Variants in SHISA8 observed in about 807,000 individuals in gnomAD.
SHISA8 encodes the protein shisa family member 8.
A neutral mutation model predicts 21.1 loss-of-function variants in SHISA8; 21 were observed. That is an observed-to-expected ratio of 0.99 (90% CI 0.71 to 1.43). The LOEUF (loss-of-function observed/expected upper bound fraction) is 1.43, where lower values mean the gene tolerates loss of function less well. SHISA8 is among the 40% of genes most tolerant of loss of function. SHISA8 has a pLI of 0.00. For missense variants in SHISA8, 535 were observed against 599.1 expected (o/e 0.89, Z 1.12); for synonymous variants, 300 against 291.4 (o/e 1.03, Z -0.30).
At position 41,910,168 on chromosome 22, in the gene SHISA8, A is replaced by C. The variant is rs2146573099; in HGVS notation, c.812-21T>G. ...GGCCTCTGCGGGGACAGGGCAGGGA[A>C]GAGTGACGCCGCGCCGAGCACCCAA... is the stretch of plus-strand genomic sequence containing the variant. On this transcript the variant is annotated intron_variant, in intron 3 of 3. Coordinates refer to ENST00000621082, the MANE Select transcript of SHISA8 (RefSeq NM_001207020.3). This position sits in a 1 kb window ranked among gnomAD's most constrained non-coding sequence, Gnocchi z 6.8. 1 of 1,230,234 alleles carries C rather than the reference A, an allele frequency of 8.1e-7. No individual in the cohort carries two copies. Among genetic ancestry groups the C allele is most frequent in the South Asian group, 4.0e-5 (1 of 25,272 alleles). 76.2% of individuals were successfully genotyped at this position (1,230,234 alleles called of 1,614,324 possible).
intron 1 of SHISA8, among the ~76,000 whole-genome samples, chr22:41,911,935 C>T (rs1235228772): frequency 3.3e-5 from 5 of 152,098 alleles, no homozygotes; most frequent in Non-Finnish European, 7.4e-5. Flanking sequence ...TTAGTAGAGA[C>T]GGGGTTTCAC....
chr22:41,911,870 C>G (rs889418754), intron 1 of SHISA8, among the ~76,000 whole-genome samples: 1 of 152,198 alleles, frequency 6.6e-6, no homozygotes, highest in Admixed American at 6.5e-5. Flanking sequence ...CTCAGCTTCC[C>G]TAGTAGCTGG....
At position 41,910,180 on chromosome 22, in the gene SHISA8, C is replaced by A; in HGVS notation, c.812-33G>T. 1 of 1,228,818 alleles carries A rather than the reference C, an allele frequency of 8.1e-7. No homozygotes were observed. Among genetic ancestry groups the A allele is most frequent in the Non-Finnish European group, 1.0e-6 (1 of 987,030 alleles). 76.1% of individuals were successfully genotyped at this position (1,228,818 alleles called of 1,614,324 possible). A position where few individuals can be genotyped will look rare whatever the true frequency, so the allele number is the denominator to read the frequency against. On this transcript the variant is annotated intron_variant, in intron 3 of 3. Transcript: ENST00000621082. The surrounding 1 kb of genome is among the most constrained non-coding windows in gnomAD (Gnocchi z 6.8). Reference sequence around the variant, plus strand: ...GACAGGGCAGGGAAGAGTGACGCCGCGCCGAGCACCCAAGCTCAGGACTGG... The same window carrying A: ...GACAGGGCAGGGAAGAGTGACGCCGAGCCGAGCACCCAAGCTCAGGACTGG...
In SHISA8 at chr22:41,909,922, G is replaced by A; in HGVS notation, c.1037C>T (p.Ala346Val). Reference protein sequence around the residue: ...PAPLSHPTARAFQVPRRPGHA... With the variant: ...PAPLSHPTARVFQVPRRPGHA... ...CCCGGGTCGCCGGGGTACCTGGAAGGCCCGAGCCGTCGGGTGGCTGAGCGG... is the reference window on the plus strand; with the variant it reads ...CCCGGGTCGCCGGGGTACCTGGAAGACCCGAGCCGTCGGGTGGCTGAGCGG... The change falls in exon 4 of 4, where the codon GCC becomes GTC. Residue 346 changes from alanine (A) to valine (V), a missense_variant. By Grantham distance (64) the Ala-to-Val change is moderately conservative. Transcript: ENST00000621082. The A allele has an allele frequency of 6.6e-7, 1 of 1,522,972 alleles. No individual in the cohort carries two copies. The highest frequency in any genetic ancestry group is 8.8e-7 in the Non-Finnish European group (1 of 1,141,354). 94.3% of individuals were successfully genotyped at this position (1,522,972 alleles called of 1,614,324 possible).
rs1183737103 is a variant in SHISA8, at chr22:41,910,884, C to G, written c.665-330G>C. Among the ~76,000 whole-genome samples, 1 of 152,058 alleles carries G rather than the reference C, an allele frequency of 6.6e-6. No homozygotes were observed. The highest frequency in any genetic ancestry group is 1.5e-5 in the Non-Finnish European group (1 of 67,974). ...GGATGTCTGAGGAACAGAACCCAGA[C>G]GGGGCGTGGGGGCTGCCAAGCCTGC... is the stretch of plus-strand genomic sequence containing the variant. On this transcript the variant is annotated intron_variant, in intron 2 of 3. Coordinates refer to ENST00000621082, the MANE Select transcript of SHISA8 (RefSeq NM_001207020.3). The surrounding 1 kb of genome is among the most constrained non-coding windows in gnomAD (Gnocchi z 6.8).
At position 41,909,688 on chromosome 22, in the gene SHISA8, C is replaced by T; in HGVS notation, c.*77G>A. On this transcript the variant is annotated 3_prime_UTR_variant, in exon 4 of 4. Transcript: ENST00000621082. ...AGAAGAGCTGGCCTTACGGCAGGCGCTCCTCTCCCTGTGGCCTGAGGCTCC... is the reference window on the plus strand; with the variant it reads ...AGAAGAGCTGGCCTTACGGCAGGCGTTCCTCTCCCTGTGGCCTGAGGCTCC... The T allele has an allele frequency of 7.5e-7, 1 of 1,328,184 alleles. No individual in the cohort carries two copies. Among genetic ancestry groups the T allele is most frequent in the South Asian group, 2.0e-5 (1 of 49,042 alleles). 82.3% of individuals were successfully genotyped at this position (1,328,184 alleles called of 1,614,324 possible).
rs2077540562 is a variant in SHISA8 at position 41,910,309 on chromosome 22, G to T, written c.811+99C>A. ...CCGATTGGCCGAGCGGCGGGCGCGC[G>T]GAACTGGGAATTTGGCGCTTGGAGC... On this transcript the variant is annotated intron_variant, in intron 3 of 3. Coordinates refer to ENST00000621082, the MANE Select transcript of SHISA8 (RefSeq NM_001207020.3). The surrounding 1 kb of genome is among the most constrained non-coding windows in gnomAD (Gnocchi z 6.8). The T allele has an allele frequency of 8.1e-7, 1 of 1,241,766 alleles. No individual in the cohort carries two copies. The highest frequency in any genetic ancestry group is 4.3e-5 in the Admixed American group (1 of 23,302). 76.9% of individuals were successfully genotyped at this position (1,241,766 alleles called of 1,614,324 possible).
chr22:41,914,575 C>G lies in SHISA8; in HGVS notation c.93G>C (p.Ala31=). 8.6e-7 allele frequency: 1 copy of G among 1,158,468 alleles called. No homozygotes were observed. The highest frequency in any genetic ancestry group is 1.1e-6 in the Non-Finnish European group (1 of 942,250). The allele number at this position is 1,158,468 out of a possible 1,614,324, so 71.8% of individuals were successfully genotyped here. A position where few individuals can be genotyped will look rare whatever the true frequency, so the allele number is the denominator to read the frequency against. ...ALALRLALLL[A]RPPSGRAGAP... ...CTCCCGCGCGGCCCGACGGCGGCCG[C>G]GCCAGCAGCAACGCGAGCCGAAGCG... The change falls in exon 1 of 4, where the codon GCG becomes GCC. Residue 31 remains alanine, a synonymous_variant. Coordinates refer to ENST00000621082, the MANE Select transcript of SHISA8 (RefSeq NM_001207020.3). This position sits in a 1 kb window ranked among gnomAD's most constrained non-coding sequence, Gnocchi z 6.8.
At position 41,915,020 on chromosome 22, in the gene SHISA8, C is replaced by A. The variant is rs1339247681; in HGVS notation, c.-353G>T. On this transcript the variant is annotated 5_prime_UTR_variant, in exon 1 of 4. Transcript: ENST00000621082. This position sits in a 1 kb window ranked among gnomAD's most constrained non-coding sequence, Gnocchi z 5.0. The stretch of plus-strand genomic sequence containing the variant: ...CCTAGCGGAGGCCGCGCCGGGGCCG[C>A]GGGCCGCCCGACTGCGCTACCTTCC... Among the ~76,000 whole-genome samples the A allele has an allele frequency of 2.6e-5, 4 of 151,880 alleles. No homozygotes were observed. Among genetic ancestry groups the A allele is most frequent in the Non-Finnish European group, 5.9e-5 (4 of 67,922 alleles).
In SHISA8 at chr22:41,914,655, C is replaced by CGGCCCGCGCCATCG; in HGVS notation, c.-2_12dup (p.Gly5ArgfsTer67). 9.8e-7 allele frequency: 1 copy of CGGCCCGCGCCATCG among 1,019,466 alleles called. No homozygotes were observed. The highest frequency in any genetic ancestry group is 1.2e-6 in the Non-Finnish European group (1 of 854,296). 63.2% of individuals were successfully genotyped at this position (1,019,466 alleles called of 1,614,324 possible). Reference sequence around the variant, plus strand: ...CGGCCGCCGAGCAGTCCCCGCGCCCCGGCCCGCGCCATCGGGCCCGCGCCT... The same window carrying CGGCCCGCGCCATCG: ...CGGCCGCCGAGCAGTCCCCGCGCCCCGGCCCGCGCCATCGGGCCCGCGCCATCGGGCCCGCGCCT... On this transcript the variant is annotated frameshift_variant, in exon 1 of 4. Coordinates refer to ENST00000621082, the MANE Select transcript of SHISA8 (RefSeq NM_001207020.3). LOFTEE classifies it high-confidence loss of function. The surrounding 1 kb of genome is among the most constrained non-coding windows in gnomAD (Gnocchi z 6.8).
chr22:41,913,990 G>A, intron 1 of SHISA8, 148 bp downstream of exon 1: 1 of 630,190 alleles, frequency 1.6e-6, no homozygotes, highest in Non-Finnish European at 2.1e-6. Flanking sequence ...ATGAAGTGTT[G>A]GGGGGGCGGC....
intron 1 of SHISA8, 142 bp downstream of exon 1, chr22:41,913,996 G>A: frequency 4.7e-6 from 4 of 849,904 alleles, no homozygotes; most frequent in Non-Finnish European, 6.4e-6. Context: ...TGTTGGGGGG[G>A]CGGCGGGGGG....
In SHISA8 at chr22:41,914,259, G is replaced by C; in HGVS notation, c.409C>G (p.Arg137Gly). 2.3e-6 allele frequency: 3 copies of C among 1,315,934 alleles called. No individual in the cohort carries two copies. Among genetic ancestry groups the C allele is most frequent in the Non-Finnish European group, 2.9e-6 (3 of 1,038,802 alleles). The allele number at this position is 1,315,934 out of a possible 1,614,324, so 81.5% of individuals were successfully genotyped here. A position where few individuals can be genotyped will look rare whatever the true frequency, so the allele number is the denominator to read the frequency against. Residue 137 changes from arginine to glycine, a missense_variant, in exon 1 of 4, where the codon CGC (arginine) becomes GGC (glycine). Coordinates refer to ENST00000621082, the MANE Select transcript of SHISA8 (RefSeq NM_001207020.3). The surrounding 1 kb of genome is among the most constrained non-coding windows in gnomAD (Gnocchi z 6.8). ...TAAPRDPGRE[R>G]SHTAVYAVCG... ...ACAGCGTAGACGGCCGTATGGCTGC[G>C]CTCGCGGCCGGGGTCCCGGGGCGCT...
In SHISA8 at chr22:41,910,374, A is replaced by C; in HGVS notation, c.811+34T>G. 4.2e-6 allele frequency: 4 copies of C among 946,280 alleles called. No individual in the cohort carries two copies. The highest frequency in any genetic ancestry group is 5.3e-6 in the Non-Finnish European group (4 of 749,784). The allele number at this position is 946,280 out of a possible 1,614,324, so 58.6% of individuals were successfully genotyped here. ...TCGCAGTCCGGGAGCTCGTGCGCCC[A>C]GGTGCCCTGACGCTGCCCGCACCCG... On this transcript the variant is annotated intron_variant, in intron 3 of 3. Transcript: ENST00000621082. This position sits in a 1 kb window ranked among gnomAD's most constrained non-coding sequence, Gnocchi z 6.8.
chr22:41,911,348 C>A lies in SHISA8; in HGVS notation c.532G>T (p.Ala178Ser). ...SPRARRTVTR[A>S]LTELLKQPGP... ...GGCTGCTTCAGAAGCTCTGTCAGCG[C>A]CCTGCGGGGACAGCAGTCAGGGGTG... The change falls in exon 2 of 4, where the codon GCG (alanine) becomes TCG (serine). Residue 178 changes from alanine to serine, a missense_variant and splice_region_variant. Physicochemically the swap from Ala to Ser is moderately conservative, Grantham distance 99. Transcript: ENST00000621082. 8.1e-7 allele frequency: 1 copy of A among 1,240,890 alleles called. No homozygotes were observed. Among genetic ancestry groups the A allele is most frequent in the Middle Eastern group, 2.1e-4 (1 of 4,812 alleles). The allele number at this position is 1,240,890 out of a possible 1,614,324, so 76.9% of individuals were successfully genotyped here. A position where few individuals can be genotyped will look rare whatever the true frequency, so the allele number is the denominator to read the frequency against.
Position 41,910,390 on chromosome 22 carries a change from C to T in SHISA8, c.811+18G>A. The T allele has an allele frequency of 1.5e-6, 2 of 1,299,928 alleles. No homozygotes were observed. The highest frequency in any genetic ancestry group is 1.5e-5 in the African/African-American group (1 of 64,774). 80.5% of individuals were successfully genotyped at this position (1,299,928 alleles called of 1,614,324 possible). On this transcript the variant is annotated intron_variant, in intron 3 of 3. Transcript: ENST00000621082. This position sits in a 1 kb window ranked among gnomAD's most constrained non-coding sequence, Gnocchi z 6.8. ...CGTGCGCCCAGGTGCCCTGACGCTG[C>T]CCGCACCCGCCACTCACCTGCGGCC...
chr22:41,911,296 G>A lies in SHISA8; in HGVS notation c.584C>T (p.Thr195Ile), dbSNP rs369667812. 2.4e-6 allele frequency: 3 copies of A among 1,251,028 alleles called. No individual in the cohort carries two copies. Among genetic ancestry groups the A allele is most frequent in the Admixed American group, 4.2e-5 (1 of 23,834 alleles). 77.5% of individuals were successfully genotyped at this position (1,251,028 alleles called of 1,614,324 possible). A position where few individuals can be genotyped will look rare whatever the true frequency, so the allele number is the denominator to read the frequency against. The change falls in exon 2 of 4, where the codon ACC becomes ATC. Residue 195 changes from threonine (T) to isoleucine (I), a missense_variant. Coordinates refer to ENST00000621082, the MANE Select transcript of SHISA8 (RefSeq NM_001207020.3). Reference protein sequence around the residue: ...QPGPQEPLPPTLGPPLGGCVQ... With the variant: ...QPGPQEPLPPILGPPLGGCVQ... ...ACAGCCACCCAGGGGTGGGCCCAGG[G>A]TGGGAGGCAGTGGCTCCTGGGGGCC...
chr22:41,911,694 T>G (rs999870432), intron 1 of SHISA8, among the ~76,000 whole-genome samples: 2 of 151,924 alleles, frequency 1.3e-5, no homozygotes, highest in Admixed American at 6.6e-5. Context: ...CCCAAAAAAC[T>G]GCTACTCATT....
intron 1 of SHISA8, among the ~76,000 whole-genome samples, chr22:41,913,320 G>T (rs1200449796): frequency 6.6e-6 from 1 of 152,268 alleles, no homozygotes; most frequent in Non-Finnish European, 1.5e-5. Context: ...CAGGCCCAAA[G>T]GGTGCTGGGA....
Sources: gnomAD v4.1 joint callset for allele counts (sites outside exome capture counted in the v4.1 genomes callset) on GRCh38, gnomAD v4.1.1 for gene constraint, Gnocchi (gnomAD v3.1) non-coding constraint, MANE v1.5 for transcripts, NCBI Gene and HGNC (gene_info 2026-07-23, HGNC 2026-07-21) for gene names.